Variants in RNF166 observed in about 807,000 individuals in gnomAD.
The protein encoded by RNF166 is ring finger protein 166.
A neutral mutation model predicts 29.4 loss-of-function variants in RNF166; 19 were observed. That is an observed-to-expected ratio of 0.65 (90% CI 0.45 to 0.95). The LOEUF (loss-of-function observed/expected upper bound fraction) is 0.95. Among genes scored for constraint, RNF166 ranks in the 40% least tolerant of loss-of-function variants. The probability of loss-of-function intolerance (pLI) is 0.00; values close to 1 mark genes in which losing one functional copy is unlikely to be tolerated. For synonymous variants in RNF166, 171 were observed against 134.5 expected (o/e 1.27, Z -1.88); for missense variants, 347 against 322.1 (o/e 1.08, Z -0.59).
chr16:88,699,380 C>A (rs928258360), intron 3 of RNF166, among the ~76,000 whole-genome samples: 1 of 152,246 alleles, frequency 6.6e-6, no homozygotes, highest in Non-Finnish European at 1.5e-5. Context: ...GTGGGCCCGG[C>A]CTGCGCCCTC....
intron 1 of RNF166, chr16:88,703,895 C>T: frequency 1.6e-5 from 16 of 985,472 alleles, no homozygotes; most frequent in Non-Finnish European, 1.9e-5. Flanking sequence ...AGCCCCACAG[C>T]TGTCCTGCAC....
chr16:88,701,316 G>A lies in RNF166; in HGVS notation c.258C>T (p.His86=), dbSNP rs143430076. The change falls in exon 2 of 6, where the codon CAC becomes CAT. Residue 86 remains histidine, a synonymous_variant. Coordinates refer to ENST00000312838, the MANE Select transcript of RNF166 (RefSeq NM_178841.4). ...TGTAGGATGAGAGCTGCTTCTCCAC[G>A]TGGGTGGCCTTGTCCACCTTCTTGG... ...FDPKKVDKAT[H]VEKQLSSYKA... is the part of the protein sequence containing the mutation. 1.5e-5 allele frequency: 25 copies of A among 1,613,598 alleles called. No individual in the cohort carries two copies. Among genetic ancestry groups the A allele is most frequent in the South Asian group, 5.5e-5 (5 of 91,090 alleles).
At position 88,700,987 on chromosome 16, in the gene RNF166, C is replaced by T. The variant is rs924437931; in HGVS notation, c.312+275G>A. Reference sequence around the variant, plus strand: ...TCAGCCCCCTGGTCCTTACCCTGGCCACAACCCACGTGGGTTCCCCTGGCC... The same window carrying T: ...TCAGCCCCCTGGTCCTTACCCTGGCTACAACCCACGTGGGTTCCCCTGGCC... On this transcript the variant is annotated intron_variant, in intron 2 of 5. Transcript: ENST00000312838. 2.2e-6 allele frequency: 3 copies of T among 1,337,328 alleles called. No homozygotes were observed. The African/African-American group carries it at 4.5e-5, about 20-fold the overall frequency. 82.8% of individuals were successfully genotyped at this position (1,337,328 alleles called of 1,614,324 possible). A position where few individuals can be genotyped will look rare whatever the true frequency, so the allele number is the denominator to read the frequency against.
At chr16:88,700,799 G>A in intron 2 of RNF166, 1 of 1,039,830 alleles carries the variant, frequency 9.6e-7, no homozygotes, top group Non-Finnish European at 1.2e-6. Context: ...TCTGATGTGG[G>A]TGTGGCAGTG....
chr16:88,696,524 C>T lies in RNF166; in HGVS notation c.*1044G>A, dbSNP rs1307903064. ...GATGCTCTGAGACATTTTATTTAAA[C>T]TTTTTTTTTTAAAAAAAAGACAGCA... On this transcript the variant is annotated 3_prime_UTR_variant, in exon 6 of 6. Coordinates refer to ENST00000312838, the MANE Select transcript of RNF166 (RefSeq NM_178841.4). 2.6e-6 allele frequency: 1 copy of T among 384,308 alleles called. No individual in the cohort carries two copies. Among genetic ancestry groups the T allele is most frequent in the Non-Finnish European group, 5.1e-6 (1 of 195,792 alleles). 23.8% of individuals were successfully genotyped at this position (384,308 alleles called of 1,614,324 possible).
intron 2 of RNF166, 183 bp downstream of exon 2, chr16:88,701,079 A>C (rs1209952879): frequency 1.5e-6 from 2 of 1,301,028 alleles, no homozygotes; most frequent in Non-Finnish European, 2.1e-6. Context: ...TCACCACAGG[A>C]AGTGAGAGAT....
chr16:88,698,231 T>C, intron 5 of RNF166: 1 of 639,698 alleles, frequency 1.6e-6, no homozygotes, highest in South Asian at 1.7e-5. Context: ...CCTCGAGGGG[T>C]TCTGTGGGGT....
At position 88,698,861 on chromosome 16, in the gene RNF166, C is replaced by A. The variant is rs532751219; in HGVS notation, c.540+110G>T. 499 of 885,536 alleles carry A rather than the reference C, an allele frequency of 5.6e-4. 6 individuals are homozygous for A. The South Asian group carries it at 7.1e-3, about 13-fold the overall frequency. The allele number at this position is 885,536 out of a possible 1,614,324, so 54.9% of individuals were successfully genotyped here. A position where few individuals can be genotyped will look rare whatever the true frequency, so the allele number is the denominator to read the frequency against. On this transcript the variant is annotated intron_variant, in intron 4 of 5. Transcript: ENST00000312838. Reference sequence around the variant, plus strand: ...GTTCCCACCCTGGGTCCCAGGAGGCCTTTGTGGCCTGGGCACCCCCGGACT... The same window carrying A: ...GTTCCCACCCTGGGTCCCAGGAGGCATTTGTGGCCTGGGCACCCCCGGACT...
intron 1 of RNF166, chr16:88,703,492 C>G (rs761892065): frequency 1.0e-6 from 1 of 985,468 alleles, no homozygotes; most frequent in Non-Finnish European, 1.2e-6. Context: ...GGAACCCAGC[C>G]CGACTGGCAG....
In RNF166 at chr16:88,701,382, C is replaced by A. The variant is rs1408841791; in HGVS notation, c.192G>T (p.Val64=). 6.2e-7 allele frequency: 1 copy of A among 1,610,668 alleles called. No homozygotes were observed. Among genetic ancestry groups the A allele is most frequent in the Non-Finnish European group, 8.5e-7 (1 of 1,179,082 alleles). The change falls in exon 2 of 6, where the codon GTG becomes GTT. Residue 64 remains valine, a synonymous_variant. Coordinates refer to ENST00000312838, the MANE Select transcript of RNF166 (RefSeq NM_178841.4). The stretch of plus-strand genomic sequence containing the variant: ...GGCAGAGTGGGCACAGCGGGGATGG[C>A]ACCTGCAGGCAGGGCTGGAGACACT... ...CGECLQPCLQ[V]PSPLCPLCRL...
chr16:88,704,449 T>C, intron 1 of RNF166: 1 of 985,438 alleles, frequency 1.0e-6, no homozygotes, highest in Non-Finnish European at 1.2e-6. Context: ...CACAATTCCA[T>C]GTGGTTCTGC....
chr16:88,698,490 C>A lies in RNF166; in HGVS notation c.648+12G>T. 1 of 1,552,468 alleles carries A rather than the reference C, an allele frequency of 6.4e-7. No individual in the cohort carries two copies. Among genetic ancestry groups the A allele is most frequent in the Non-Finnish European group, 8.7e-7 (1 of 1,145,552 alleles). The stretch of plus-strand genomic sequence containing the variant: ...AGGGCGTGGGGGAGGACGGTGCTGG[C>A]GGGATGCCTACCACAAAGGTGTCGT... On this transcript the variant is annotated intron_variant, in intron 5 of 5. Transcript: ENST00000312838.
chr16:88,704,282 G>T (rs150582753), intron 1 of RNF166: 1 of 985,338 alleles, frequency 1.0e-6, no homozygotes, highest in East Asian at 1.1e-4. Context: ...AGAGAGAACA[G>T]CCAGAAAACA....
At chr16:88,703,184 G>A in intron 1 of RNF166, 2 of 980,798 alleles carry the variant, frequency 2.0e-6, no homozygotes, top group Non-Finnish European at 2.4e-6. Context: ...CAGACGGGTG[G>A]GTGCCAGGCG....
In RNF166 at chr16:88,697,566, C is replaced by T. The variant is rs766031358; in HGVS notation, c.*2G>A. On this transcript the variant is annotated 3_prime_UTR_variant, in exon 6 of 6. Coordinates refer to ENST00000312838, the MANE Select transcript of RNF166 (RefSeq NM_178841.4). ...GACGCAGGCGGGTGGCTGCGCTTCC[C>T]TTCAGTTCTCAGAGAGAGACAGGGC... 10 of 1,548,942 alleles carry T rather than the reference C, an allele frequency of 6.5e-6. No homozygotes were observed. The African/African-American group carries it at 8.2e-5, about 13-fold the overall frequency.
At chr16:88,699,367 T>C (rs1265337183) in intron 3 of RNF166, among the ~76,000 whole-genome samples, 1 of 152,210 alleles carries the variant, frequency 6.6e-6, no homozygotes, top group East Asian at 1.9e-4. Flanking sequence ...TGGGAGGCGA[T>C]GTGTGGGCCC....
At chr16:88,700,981 C>G in intron 2 of RNF166, 1 of 1,324,812 alleles carries the variant, frequency 7.5e-7, no homozygotes, top group African/African-American at 1.5e-5. Flanking sequence ...TGGTCCTTAC[C>G]CTGGCCACAA....
intron 2 of RNF166, chr16:88,700,911 C>G: frequency 8.6e-7 from 1 of 1,157,008 alleles, no homozygotes; most frequent in South Asian, 1.9e-5. Flanking sequence ...GCCCCCAGCG[C>G]CGTCCCCGGT....
chr16:88,699,881 T>TA lies in RNF166; in HGVS notation c.313-150dup, dbSNP rs373344909. 2.6e-4 allele frequency: 152 copies of TA among 574,118 alleles called. 1 individual carries two copies. The African/African-American group carries it at 2.7e-3, about 10-fold the overall frequency. The allele number at this position is 574,118 out of a possible 1,614,324, so 35.6% of individuals were successfully genotyped here. A position where few individuals can be genotyped will look rare whatever the true frequency, so the allele number is the denominator to read the frequency against. On this transcript the variant is annotated intron_variant, in intron 2 of 5. Coordinates refer to ENST00000312838, the MANE Select transcript of RNF166 (RefSeq NM_178841.4). Reference sequence around the variant, plus strand: ...AGGGGGACCCGGTCCCTTCTGCTGCTAAAACAATCTCAGGCACTGAGCAGC... The same window carrying TA: ...AGGGGGACCCGGTCCCTTCTGCTGCTAAAAACAATCTCAGGCACTGAGCAGC...
Sources: allele counts gnomAD v4.1 joint callset (sites outside exome capture counted in the v4.1 genomes callset), GRCh38; gene constraint gnomAD v4.1.1; transcripts MANE v1.5; gene names NCBI Gene and HGNC (gene_info 2026-07-23, HGNC 2026-07-21).